The following NR5A2 variants were observed in gnomAD, a reference collection of about 807,000 sequenced individuals.
The protein encoded by NR5A2 is CYP7A promoter-binding factor.
NR5A2 carries 26 observed loss-of-function variants against 62.7 expected under a neutral mutation model. The observed-to-expected ratio is 0.41, with a 90% CI of 0.30 to 0.58. The LOEUF (loss-of-function observed/expected upper bound fraction) is 0.58, where lower values mean the gene tolerates loss of function less well. Among genes scored for constraint, NR5A2 ranks in the 20% least tolerant of loss-of-function variants. The pLI, the probability that NR5A2 is intolerant of heterozygous loss-of-function variation, is 0.22. For synonymous variants in NR5A2, 246 were observed against 241.7 expected (o/e 1.02, Z -0.16); for missense variants, 541 against 669.1 (o/e 0.81, Z 2.11).
In NR5A2 at chr1:200,173,926, T is replaced by G. The variant is rs1395243070; in HGVS notation, c.1379-37T>G. Reference sequence around the variant, plus strand: ...TAGTAAACAGGAATTGAAATGCTATTGAAATGTTGCTTTTTTTTTTTTTTT... The same window carrying G: ...TAGTAAACAGGAATTGAAATGCTATGGAAATGTTGCTTTTTTTTTTTTTTT... On this transcript the variant is annotated intron_variant, in intron 7 of 7. Coordinates refer to ENST00000367362, the MANE Select transcript of NR5A2 (RefSeq NM_205860.3). 4 of 1,406,870 alleles carry G rather than the reference T, an allele frequency of 2.8e-6. No homozygotes were observed. In the South Asian group the frequency reaches 6.6e-5, roughly 23 times the overall value. 87.1% of individuals were successfully genotyped at this position (1,406,870 alleles called of 1,614,324 possible). A position where few individuals can be genotyped will look rare whatever the true frequency, so the allele number is the denominator to read the frequency against.
chr1:200,174,106 G>A lies in NR5A2; in HGVS notation c.1522G>A (p.Ala508Thr). ...ACTTCTTCGACTACCCGAAATCCGG[G>A]CCATCAGTATGCAGGCTGAAGAATA... ...QLLLRLPEIR[A>T]ISMQAEEYLY... Residue 508 changes from alanine to threonine, a missense_variant, in exon 8 of 8, where the codon GCC (alanine) becomes ACC (threonine). Physicochemically the swap from Ala to Thr is moderately conservative, Grantham distance 58 (BLOSUM62 0). Coordinates refer to ENST00000367362, the MANE Select transcript of NR5A2 (RefSeq NM_205860.3). 2 of 1,613,782 alleles carry A rather than the reference G, an allele frequency of 1.2e-6. No individual in the cohort carries two copies. Among genetic ancestry groups the A allele is most frequent in the Non-Finnish European group, 1.7e-6 (2 of 1,179,950 alleles).
chr1:200,130,040 T>C (rs1666893149), intron 7 of NR5A2, among the ~76,000 whole-genome samples: 1 of 152,192 alleles, frequency 6.6e-6, no homozygotes, highest in African/African-American at 2.4e-5. Context: ...TTTTGTCCAC[T>C]TCTCTAGAAG....
chr1:200,136,595 G>A (rs535836452), intron 7 of NR5A2, among the ~76,000 whole-genome samples: 3 of 152,298 alleles, frequency 2.0e-5, no homozygotes, highest in Admixed American at 6.5e-5. Flanking sequence ...GTAAGTAATA[G>A]AACTGGGATT....
chr1:200,158,197 T>A (rs1653472786), intron 7 of NR5A2, among the ~76,000 whole-genome samples: 4 of 152,222 alleles, frequency 2.6e-5, no homozygotes, highest in Admixed American at 2.6e-4. Context: ...AGTAACATGT[T>A]AACACAGTGG....
intron 5 of NR5A2, among the ~76,000 whole-genome samples, chr1:200,077,261 CTT>C (rs1664083824): frequency 6.6e-6 from 1 of 152,172 alleles, no homozygotes; most frequent in Admixed American, 6.5e-5. Flanking sequence ...CAAAATCTGA[CTT>C]TTAAACAACA....
intron 2 of NR5A2, chr1:200,042,945 C>G (rs1662184951): frequency 4.1e-6 from 4 of 985,478 alleles, no homozygotes; most frequent in Non-Finnish European, 4.8e-6. Flanking sequence ...TTCTGTTTAA[C>G]TTTAATAGGG....
At chr1:200,124,084 G>A (rs1330914328) in intron 7 of NR5A2, among the ~76,000 whole-genome samples, 2 of 152,138 alleles carry the variant, frequency 1.3e-5, no homozygotes, top group African/African-American at 4.8e-5. Flanking sequence ...GATTACAGGT[G>A]TGAGCCACCA....
At chr1:200,173,879 C>T in intron 7 of NR5A2, 84 bp from the exon 8 acceptor site, 3 of 1,293,410 alleles carry the variant, frequency 2.3e-6, no homozygotes, top group Non-Finnish European at 3.0e-6. Flanking sequence ...GAAAATACAT[C>T]CATTAATTGA....
At chr1:200,118,004 G>A (rs1222326556) in intron 6 of NR5A2, among the ~76,000 whole-genome samples, 2 of 143,812 alleles carry the variant, frequency 1.4e-5, no homozygotes, top group African/African-American at 5.2e-5. Context: ...ATGAGCCGCC[G>A]CACCTCGCCT....
At position 200,174,316 on chromosome 1, in the gene NR5A2, A is replaced by G. The variant is rs1249360378; in HGVS notation, c.*106A>G. On this transcript the variant is annotated 3_prime_UTR_variant, in exon 8 of 8. Transcript: ENST00000367362. ...AAAGTACTCTGAACTGCTCCAAGTA[A>G]CGCTAATTAAAAACTTGCTTTAAAG... The G allele has an allele frequency of 8.7e-7, 1 of 1,152,540 alleles. No homozygotes were observed. The highest frequency in any genetic ancestry group is 1.1e-6 in the Non-Finnish European group (1 of 875,214). 71.4% of individuals were successfully genotyped at this position (1,152,540 alleles called of 1,614,324 possible).
At chr1:200,103,135 T>G (rs532705796) in intron 5 of NR5A2, among the ~76,000 whole-genome samples, 1 of 148,290 alleles carries the variant, frequency 6.7e-6, no homozygotes, top group East Asian at 2.0e-4. Flanking sequence ...TTTTTTTTTT[T>G]TTTTTTGAGT....
chr1:200,091,887 A>C (rs975836505), intron 5 of NR5A2, among the ~76,000 whole-genome samples: 1 of 152,110 alleles, frequency 6.6e-6, no homozygotes, highest in Non-Finnish European at 1.5e-5. Flanking sequence ...AGTGGGGAGC[A>C]TTGGTTTGCT....
At chr1:200,113,486 C>A (rs1666058742) in intron 6 of NR5A2, among the ~76,000 whole-genome samples, 1 of 152,182 alleles carries the variant, frequency 6.6e-6, no homozygotes, top group Non-Finnish European at 1.5e-5. Context: ...AGGATGGAAG[C>A]AAAAGTGCTG....
At chr1:200,112,206 AC>A (rs1252858031) in intron 6 of NR5A2, among the ~76,000 whole-genome samples, 1 of 152,230 alleles carries the variant, frequency 6.6e-6, no homozygotes, top group Non-Finnish European at 1.5e-5. Context: ...TGGAAATGTA[AC>A]ATTTGAGCAA....
At chr1:200,160,654 C>T (rs1157163947) in intron 7 of NR5A2, among the ~76,000 whole-genome samples, 2 of 151,852 alleles carry the variant, frequency 1.3e-5, no homozygotes, top group Non-Finnish European at 2.9e-5. Context: ...CCACAGCGCT[C>T]TCTTGTAAAT....
At chr1:200,082,506 A>G (rs1164225383) in intron 5 of NR5A2, among the ~76,000 whole-genome samples, 3 of 152,230 alleles carry the variant, frequency 2.0e-5, no homozygotes, top group South Asian at 2.1e-4. Flanking sequence ...AATTACAAAC[A>G]TATGAGTCAA....
At chr1:200,030,672 A>G (rs953588649) in intron 1 of NR5A2, among the ~76,000 whole-genome samples, 4 of 152,236 alleles carry the variant, frequency 2.6e-5, no homozygotes, top group Non-Finnish European at 5.9e-5. Flanking sequence ...TACATAAAAC[A>G]AATATTTATT....
chr1:200,106,748 T>TA (rs1307281322), intron 5 of NR5A2, among the ~76,000 whole-genome samples: 3 of 152,162 alleles, frequency 2.0e-5, no homozygotes, highest in African/African-American at 7.2e-5. Flanking sequence ...CACACCCCCA[T>TA]AACTCTGTTT....
At chr1:200,100,056 G>A (rs187166874) in intron 5 of NR5A2, among the ~76,000 whole-genome samples, 15 of 152,310 alleles carry the variant, frequency 9.8e-5, no homozygotes, top group Admixed American at 8.5e-4. Flanking sequence ...ATATCAAGCT[G>A]AGAAGGATTC....
Sources: gnomAD v4.1 joint callset for allele counts (sites outside exome capture counted in the v4.1 genomes callset) on GRCh38, gnomAD v4.1.1 for gene constraint, MANE v1.5 for transcripts, NCBI Gene and HGNC (gene_info 2026-07-23, HGNC 2026-07-21) for gene names.